The following KIF27 variants were observed in gnomAD, a reference collection of about 807,000 sequenced individuals.
The protein encoded by KIF27 is kinesin-like protein KIF27.
KIF27 carries 84 observed loss-of-function variants against 141.8 expected under a neutral mutation model. That is an observed-to-expected ratio of 0.59 (90% CI 0.50 to 0.71). The LOEUF is 0.71. Among genes scored for constraint, KIF27 ranks in the 30% least tolerant of loss-of-function variants. KIF27 has a pLI of 0.00. For synonymous variants in KIF27, 471 were observed against 569.5 expected (o/e 0.83, Z 2.46); for missense variants, 1,306 against 1,628.4 (o/e 0.80, Z 3.41).
Position 83,834,689 on chromosome 9 carries a change from G to A in KIF27, c.*2312C>T, listed in dbSNP as rs1388597277. On this transcript the variant is annotated 3_prime_UTR_variant, in exon 18 of 18. Coordinates refer to ENST00000297814, the MANE Select transcript of KIF27 (RefSeq NM_017576.4). ...CATAGCACATTACTTAATCTTATAA[G>A]GAACTTATTATTAGGATCTTCATTA... 6.6e-6 allele frequency among the ~76,000 whole-genome samples: 1 copy of A among 151,152 alleles called. No homozygotes were observed. The highest frequency in any genetic ancestry group is 1.5e-5 in the Non-Finnish European group (1 of 67,732).
rs769187432 is a variant in KIF27, at chr9:83,870,617, T to C, written c.2659A>G (p.Thr887Ala). The change falls in exon 12 of 18, where the codon ACA (threonine) becomes GCA (alanine). Residue 887 changes from threonine to alanine, a missense_variant. Transcript: ENST00000297814. ...QQKIKEIQLK[T>A]GQEEGLKPKA... Reference sequence around the variant, plus strand: ...GGTTTTAGACCTTCTTCCTGTCCTGTTTTTAATTGTATTTCCTATAGAAAA... The same window carrying C: ...GGTTTTAGACCTTCTTCCTGTCCTGCTTTTAATTGTATTTCCTATAGAAAA... The C allele has an allele frequency of 1.2e-6, 2 of 1,613,906 alleles. No homozygotes were observed. Among genetic ancestry groups the C allele is most frequent in the Non-Finnish European group, 1.7e-6 (2 of 1,179,838 alleles).
intron 4 of KIF27, among the ~76,000 whole-genome samples, chr9:83,902,810 G>C (rs1214278757): frequency 6.6e-6 from 1 of 152,022 alleles, no homozygotes; most frequent in Non-Finnish European, 1.5e-5. Context: ...TGAGGAGGAA[G>C]CAATAGGAAA....
At position 83,834,796 on chromosome 9, in the gene KIF27, T is replaced by C. The variant is rs1303435609; in HGVS notation, c.*2205A>G. ...TTATATATATCTATATCTATGTATATATACAAGTGTATCTATATATACATT... is the reference window on the plus strand; with the variant it reads ...TTATATATATCTATATCTATGTATACATACAAGTGTATCTATATATACATT... On this transcript the variant is annotated 3_prime_UTR_variant, in exon 18 of 18. Coordinates refer to ENST00000297814, the MANE Select transcript of KIF27 (RefSeq NM_017576.4). 6.6e-6 allele frequency among the ~76,000 whole-genome samples: 1 copy of C among 150,420 alleles called. No homozygotes were observed. Among genetic ancestry groups the C allele is most frequent in the Middle Eastern group, 3.3e-3 (1 of 306 alleles).
intron 5 of KIF27, among the ~76,000 whole-genome samples, chr9:83,895,735 A>C (rs887028182): frequency 6.6e-6 from 1 of 152,096 alleles, no homozygotes; most frequent in African/African-American, 2.4e-5. Flanking sequence ...AAAATCCAAA[A>C]GAATTTACAG....
chr9:83,860,068 C>T (rs1341827328), intron 13 of KIF27: 1 of 152,018 alleles, frequency 6.6e-6, no homozygotes, highest in Non-Finnish European at 1.5e-5. Flanking sequence ...GATTGGTTGG[C>T]TTAAACATAT....
At chr9:83,894,898 T>A (rs1953032933) in intron 5 of KIF27, among the ~76,000 whole-genome samples, 3 of 152,000 alleles carry the variant, frequency 2.0e-5, no homozygotes, top group Admixed American at 2.0e-4. Context: ...CAACAGTACA[T>A]CACAACATCA....
intron 1 of KIF27, among the ~76,000 whole-genome samples, chr9:83,916,673 T>TC (rs1431263589): frequency 6.6e-6 from 1 of 150,554 alleles, no homozygotes; most frequent in African/African-American, 2.4e-5. Context: ...TTTTTTTTTT[T>TC]TTTTTTTTGA....
chr9:83,837,999 A>C (rs1384099869), intron 17 of KIF27: 1 of 152,840 alleles, frequency 6.5e-6, no homozygotes, highest in African/African-American at 2.4e-5. Context: ...TGTGCGCCAC[A>C]ATTTCTGTCA....
intron 1 of KIF27, among the ~76,000 whole-genome samples, chr9:83,919,597 A>G (rs557425036): frequency 2.1e-5 from 3 of 143,782 alleles, no homozygotes; most frequent in South Asian, 2.2e-4. Context: ...ACTACCCTTG[A>G]AAAAAAAAAA....
intron 11 of KIF27, among the ~76,000 whole-genome samples, chr9:83,871,951 C>T (rs1950830232): frequency 6.6e-6 from 1 of 151,190 alleles, no homozygotes; most frequent in African/African-American, 2.4e-5. Context: ...ATCCACCTGC[C>T]TCAGCCTCCC....
chr9:83,921,059 C>T (rs533641437), intron 1 of KIF27, among the ~76,000 whole-genome samples: 6 of 152,188 alleles, frequency 3.9e-5, no homozygotes, highest in African/African-American at 7.2e-5. Flanking sequence ...TCCGGTCGAT[C>T]GGTGTTCCCC....
At position 83,884,026 on chromosome 9, in the gene KIF27, G is replaced by A. The variant is rs768089162; in HGVS notation, c.2240-8C>T. Reference sequence around the variant, plus strand: ...CAGACTTGGCATCATTACCTTAACCGTAATAATAATTATTATTAGTATAAA... The same window carrying A: ...CAGACTTGGCATCATTACCTTAACCATAATAATAATTATTATTAGTATAAA... On this transcript the variant is annotated splice_polypyrimidine_tract_variant and splice_region_variant and intron_variant, in intron 9 of 17. Coordinates refer to ENST00000297814, the MANE Select transcript of KIF27 (RefSeq NM_017576.4). 18 of 1,521,024 alleles carry A rather than the reference G, an allele frequency of 1.2e-5. No individual in the cohort carries two copies. Among genetic ancestry groups the A allele is most frequent in the South Asian group, 4.9e-5 (4 of 81,296 alleles). 94.2% of individuals were successfully genotyped at this position (1,521,024 alleles called of 1,614,324 possible). A position where few individuals can be genotyped will look rare whatever the true frequency, so the allele number is the denominator to read the frequency against.
intron 3 of KIF27, among the ~76,000 whole-genome samples, chr9:83,904,407 G>A (rs1489675520): frequency 6.6e-6 from 1 of 151,734 alleles, no homozygotes. Flanking sequence ...GTCTCGGCCT[G>A]TTGCCCAGGC....
intron 3 of KIF27, 86 bp downstream of exon 3, chr9:83,908,366 C>T: frequency 2.9e-6 from 2 of 681,442 alleles, no homozygotes; most frequent in Admixed American, 3.0e-5. Flanking sequence ...TTTAAAGATT[C>T]CTTGGAATAT....
At chr9:83,870,862 G>C (rs921169509) in intron 11 of KIF27, among the ~76,000 whole-genome samples, 1 of 151,916 alleles carries the variant, frequency 6.6e-6, no homozygotes, top group Admixed American at 6.6e-5. Context: ...AAAATGAGTA[G>C]ATGACAGTTG....
chr9:83,876,134 CATTATT>C (rs1267585284), intron 11 of KIF27, among the ~76,000 whole-genome samples: 1 of 151,930 alleles, frequency 6.6e-6, no homozygotes, highest in Non-Finnish European at 1.5e-5. Context: ...TTATGAATAT[CATTATT>C]ATTATTACCA....
intron 12 of KIF27, among the ~76,000 whole-genome samples, chr9:83,868,757 G>A (rs1378759187): frequency 6.6e-6 from 1 of 152,022 alleles, no homozygotes. Flanking sequence ...CAATGAGACA[G>A]TGAATATATA....
chr9:83,920,919 C>T (rs1956208109), intron 1 of KIF27, among the ~76,000 whole-genome samples: 1 of 113,146 alleles, frequency 8.8e-6, no homozygotes, highest in Non-Finnish European at 2.0e-5. Context: ...AAGTTTCAAC[C>T]TCTACGGTGG....
chr9:83,879,330 T>A (rs1951486823), intron 11 of KIF27, among the ~76,000 whole-genome samples: 1 of 151,476 alleles, frequency 6.6e-6, no homozygotes, highest in Admixed American at 6.6e-5. Flanking sequence ...TTTTTTTTTT[T>A]AAGGTCGGAA....
Sources: gnomAD v4.1 joint callset for allele counts (sites outside exome capture counted in the v4.1 genomes callset) on GRCh38, gnomAD v4.1.1 for gene constraint, MANE v1.5 for transcripts, NCBI Gene and HGNC (gene_info 2026-07-23, HGNC 2026-07-21) for gene names.